Variants in LRRC4C observed in about 807,000 individuals in gnomAD.
The protein encoded by LRRC4C is leucine-rich repeat-containing protein 4C.
A neutral mutation model predicts 33.6 loss-of-function variants in LRRC4C; 5 were observed. The observed-to-expected ratio is 0.15, with a 90% confidence interval of 0.08 to 0.31. The LOEUF (loss-of-function observed/expected upper bound fraction) is 0.31. Ranked by LOEUF, LRRC4C falls within the 10% of genes least tolerant of loss-of-function variation. The pLI, the probability that LRRC4C is intolerant of heterozygous loss-of-function variation, is 1.00. For missense variants in LRRC4C, 560 were observed against 796.7 expected (o/e 0.70, Z 3.58); for synonymous variants, 329 against 302.0 (o/e 1.09, Z -0.93).
At chr11:41,402,360 A>G (rs1036426526) in intron 1 of LRRC4C, among the ~76,000 whole-genome samples, 4 of 152,054 alleles carry the variant, frequency 2.6e-5, no homozygotes, top group African/African-American at 9.7e-5. Context: ...AATACAGAGT[A>G]TTACACATTA....
intron 3 of LRRC4C, among the ~76,000 whole-genome samples, chr11:40,524,987 T>C (rs558740491): frequency 5.1e-4 from 77 of 152,114 alleles, no homozygotes; most frequent in Non-Finnish European, 9.3e-4. Context: ...ATATATAATT[T>C]AGCTTAGATA....
intron 4 of LRRC4C, among the ~76,000 whole-genome samples, chr11:40,272,556 C>A (rs1229357269): frequency 6.6e-6 from 1 of 151,918 alleles, no homozygotes; most frequent in Non-Finnish European, 1.5e-5. Context: ...AAATTTCCGG[C>A]AACTTTTTGT....
At chr11:40,549,864 T>C (rs1957068615) in intron 3 of LRRC4C, among the ~76,000 whole-genome samples, 1 of 152,132 alleles carries the variant, frequency 6.6e-6, no homozygotes, top group African/African-American at 2.4e-5. Context: ...CTATAATTCA[T>C]TAGGTGACAC....
intron 2 of LRRC4C, among the ~76,000 whole-genome samples, chr11:40,895,330 A>G (rs1202513035): frequency 1.3e-5 from 1 of 80,000 alleles, no homozygotes; most frequent in African/African-American, 3.9e-5. Flanking sequence ...ATAATATGTT[A>G]AAAAATCCCC....
intron 3 of LRRC4C, among the ~76,000 whole-genome samples, chr11:40,361,459 C>T (rs893398461): frequency 6.6e-6 from 1 of 152,178 alleles, no homozygotes; most frequent in Non-Finnish European, 1.5e-5. Flanking sequence ...CTCTCATTCA[C>T]AACTGCCACA....
At chr11:41,000,675 C>G (rs916469254) in intron 1 of LRRC4C, among the ~76,000 whole-genome samples, 1 of 152,192 alleles carries the variant, frequency 6.6e-6, no homozygotes, top group Non-Finnish European at 1.5e-5. Context: ...GGCTGCTCAG[C>G]CCTCACTGTT....
At chr11:40,501,567 C>A (rs1054733146) in intron 3 of LRRC4C, among the ~76,000 whole-genome samples, 1 of 152,218 alleles carries the variant, frequency 6.6e-6, no homozygotes, top group African/African-American at 2.4e-5. Context: ...AGGCTTGGGG[C>A]TTGCACCCTC....
chr11:40,298,554 T>C (rs1211525241), intron 4 of LRRC4C, among the ~76,000 whole-genome samples: 1 of 151,662 alleles, frequency 6.6e-6, no homozygotes, highest in African/African-American at 2.4e-5. Flanking sequence ...TCTGTGTGAA[T>C]AGTATCAGCT....
chr11:41,049,339 C>T (rs766550156), intron 1 of LRRC4C, among the ~76,000 whole-genome samples: 1 of 152,200 alleles, frequency 6.6e-6, no homozygotes, highest in African/African-American at 2.4e-5. Context: ...GAGGCATCCC[C>T]AGCCACATGG....
chr11:41,354,668 C>T (rs1321951422), intron 1 of LRRC4C, among the ~76,000 whole-genome samples: 1 of 151,934 alleles, frequency 6.6e-6, no homozygotes, highest in East Asian at 1.9e-4. Context: ...GACACATAGA[C>T]CAATGTAACA....
intron 2 of LRRC4C, among the ~76,000 whole-genome samples, chr11:40,676,101 A>C (rs1009312653): frequency 6.6e-6 from 1 of 152,172 alleles, no homozygotes; most frequent in Non-Finnish European, 1.5e-5. Flanking sequence ...TCTTATAGAG[A>C]CCTTTTGTTT....
chr11:40,512,419 A>C (rs944116984), intron 3 of LRRC4C, among the ~76,000 whole-genome samples: 4 of 152,148 alleles, frequency 2.6e-5, no homozygotes, highest in African/African-American at 9.7e-5. Context: ...AAACCAAAAC[A>C]AAACAAAATA....
chr11:41,017,882 T>C (rs779388545), intron 1 of LRRC4C, among the ~76,000 whole-genome samples: 31 of 151,878 alleles, frequency 2.0e-4, no homozygotes, highest in Non-Finnish European at 4.4e-4. Flanking sequence ...GATCACTTAT[T>C]TATTAATTCA....
At chr11:41,447,637 T>C (rs1402084230) in intron 1 of LRRC4C, among the ~76,000 whole-genome samples, 2 of 152,190 alleles carry the variant, frequency 1.3e-5, no homozygotes, top group Non-Finnish European at 2.9e-5. Context: ...TCCAAGGTCG[T>C]AATACCCATT....
intron 3 of LRRC4C, among the ~76,000 whole-genome samples, chr11:40,482,100 A>G (rs1953600484): frequency 6.6e-6 from 1 of 152,184 alleles, no homozygotes; most frequent in South Asian, 2.1e-4. Flanking sequence ...CATAAATTTC[A>G]CTTGTTAGTT....
In LRRC4C at chr11:41,261,775, G is replaced by T. The variant is rs938730501; in HGVS notation, c.-496+197656C>A. On this transcript the variant is annotated intron_variant, in intron 1 of 6. Transcript: ENST00000528697. ...GAGGAAAACATTCAGGATTTCCAAA[G>T]GAAACAGCATGATCAGCTGGTTCTG... Among the ~76,000 whole-genome samples the T allele has an allele frequency of 2.0e-5, 3 of 152,064 alleles. No individual in the cohort carries two copies. In the East Asian group the frequency reaches 5.8e-4, roughly 29 times the overall value.
chr11:41,316,454 A>G (rs1253461395), intron 1 of LRRC4C, among the ~76,000 whole-genome samples: 1 of 152,080 alleles, frequency 6.6e-6, no homozygotes, highest in Non-Finnish European at 1.5e-5. Flanking sequence ...AAATAAGTAC[A>G]TCTAAATAAT....
rs1036124382 is a variant in LRRC4C at position 40,969,812 on chromosome 11, G to T, written c.-495-36089C>A. 1.4e-4 allele frequency among the ~76,000 whole-genome samples: 22 copies of T among 152,216 alleles called. No individual in the cohort carries two copies. In the East Asian group the frequency reaches 1.5e-3, roughly 11 times the overall value. On this transcript the variant is annotated intron_variant, in intron 1 of 6. Transcript: ENST00000528697. ...CATTATTGCAATATTTGCTTTATTT[G>T]CAGTGACCTGGAATTGAACCCTGAA...
intron 6 of LRRC4C, among the ~76,000 whole-genome samples, chr11:40,133,886 T>C (rs1423140487): frequency 6.6e-6 from 1 of 152,118 alleles, no homozygotes; most frequent in Non-Finnish European, 1.5e-5. Context: ...TTTGAGTGCC[T>C]ACCAAATTTC....
Sources: gnomAD v4.1 joint callset for allele counts (sites outside exome capture counted in the v4.1 genomes callset) on GRCh38, gnomAD v4.1.1 for gene constraint, MANE v1.5 for transcripts, NCBI Gene and HGNC (gene_info 2026-07-23, HGNC 2026-07-21) for gene names.